Variants in TPD52L1 observed in about 807,000 individuals in gnomAD.
TPD52L1 encodes the protein TPD52 like 1.
A neutral mutation model predicts 28.7 loss-of-function variants in TPD52L1; 18 were observed. The ratio of observed to expected loss-of-function variants is 0.63; its 90% CI spans 0.43 to 0.93. The LOEUF is 0.93. Among genes scored for constraint, TPD52L1 ranks in the 40% least tolerant of loss-of-function variants. TPD52L1 has a pLI of 0.00. For missense variants in TPD52L1, 203 were observed against 254.8 expected (o/e 0.80, Z 1.39); for synonymous variants, 75 against 88.8 (o/e 0.84, Z 0.88).
intron 1 of TPD52L1, among the ~76,000 whole-genome samples, chr6:125,177,171 G>A (rs754377486): frequency 2.0e-5 from 3 of 152,192 alleles, no homozygotes; most frequent in Non-Finnish European, 4.4e-5. Context: ...CTCTTGATCA[G>A]ACTTGATGGC....
intron 1 of TPD52L1, among the ~76,000 whole-genome samples, chr6:125,184,802 G>A (rs575816542): frequency 1.3e-5 from 2 of 150,484 alleles, no homozygotes; most frequent in Non-Finnish European, 3.0e-5. Flanking sequence ...AGGAAAAGAG[G>A]AGAAACCAAC....
chr6:125,194,549 C>G (rs1001789252), intron 1 of TPD52L1, among the ~76,000 whole-genome samples: 1 of 152,182 alleles, frequency 6.6e-6, no homozygotes, highest in Non-Finnish European at 1.5e-5. Flanking sequence ...TCCCCTGGAA[C>G]CCTGACCCCA....
At chr6:125,169,290 C>T (rs1370041784) in intron 1 of TPD52L1, among the ~76,000 whole-genome samples, 1 of 152,196 alleles carries the variant, frequency 6.6e-6, no homozygotes, top group Non-Finnish European at 1.5e-5. Context: ...TGTTTGCCAT[C>T]TCATGACTCA....
intron 1 of TPD52L1, among the ~76,000 whole-genome samples, chr6:125,168,186 C>T (rs569991738): frequency 5.3e-5 from 8 of 152,096 alleles, no homozygotes; most frequent in Non-Finnish European, 7.4e-5. Flanking sequence ...ATTAAATATG[C>T]TTGTTTGCAA....
At chr6:125,221,251 G>A in intron 2 of TPD52L1, among the ~76,000 whole-genome samples, 1 of 152,222 alleles carries the variant, frequency 6.6e-6, no homozygotes, top group East Asian at 1.9e-4. Flanking sequence ...TAAGCACAGT[G>A]CCTCAAATCT....
chr6:125,200,735 C>T (rs1038518561), intron 1 of TPD52L1, among the ~76,000 whole-genome samples: 1 of 152,180 alleles, frequency 6.6e-6, no homozygotes, highest in African/African-American at 2.4e-5. Flanking sequence ...TTGATTTTTG[C>T]ATTCAACAAT....
chr6:125,159,233 G>A (rs1047083183), intron 1 of TPD52L1, among the ~76,000 whole-genome samples: 1 of 152,168 alleles, frequency 6.6e-6, no homozygotes, highest in African/African-American at 2.4e-5. Context: ...ATCCTCTCAA[G>A]CCCTGCCACT....
intron 1 of TPD52L1, among the ~76,000 whole-genome samples, chr6:125,206,506 A>G (rs934059820): frequency 6.6e-6 from 1 of 152,154 alleles, no homozygotes; most frequent in African/African-American, 2.4e-5. Flanking sequence ...AACAGAGGAA[A>G]AAGAGGTTTT....
rs565231370 is a variant in TPD52L1 at position 125,185,884 on chromosome 6, T to A, written c.19+31914T>A. 2.1e-5 allele frequency among the ~76,000 whole-genome samples: 3 copies of A among 142,764 alleles called. No individual in the cohort carries two copies. In the South Asian group the frequency reaches 6.6e-4, roughly 32 times the overall value. 93.7% of individuals were successfully genotyped at this position (142,764 alleles called of 152,430 possible). ...ATAGAGAATACCATGTATAACTTTT[T>A]GGAAATTTGATTTTTTTTTTTTTTT... On this transcript the variant is annotated intron_variant, in intron 1 of 6. Transcript: ENST00000534000.
At chr6:125,204,604 C>A (rs1200067964) in intron 1 of TPD52L1, among the ~76,000 whole-genome samples, 1 of 152,070 alleles carries the variant, frequency 6.6e-6, no homozygotes, top group Admixed American at 6.5e-5. Context: ...CTCAGCCTCC[C>A]TAGTAGCTGG....
chr6:125,220,677 A>G (rs957570043), intron 2 of TPD52L1, among the ~76,000 whole-genome samples: 1 of 152,212 alleles, frequency 6.6e-6, no homozygotes, highest in Non-Finnish European at 1.5e-5. Context: ...TGGCAGAAAA[A>G]TAAAGCTCTA....
intron 1 of TPD52L1, among the ~76,000 whole-genome samples, chr6:125,216,562 T>A (rs1334082301): frequency 1.4e-5 from 2 of 142,706 alleles, no homozygotes; most frequent in Non-Finnish European, 3.0e-5. Context: ...TATATATATA[T>A]ATATATATAT....
At chr6:125,163,916 C>CAAAAAAAAA (rs779811391) in intron 1 of TPD52L1, among the ~76,000 whole-genome samples, 2 of 73,252 alleles carry the variant, frequency 2.7e-5, no homozygotes, top group African/African-American at 4.9e-5. Context: ...CACTCTGTCT[C>CAAAAAAAAA]AAAAAAAAAA....
At chr6:125,196,954 A>G (rs1428973311) in intron 1 of TPD52L1, among the ~76,000 whole-genome samples, 1 of 152,358 alleles carries the variant, frequency 6.6e-6, no homozygotes, top group Non-Finnish European at 1.5e-5. Flanking sequence ...AAGAAAAACT[A>G]CTCAGAGACA....
chr6:125,159,620 T>C (rs1310983581), intron 1 of TPD52L1, among the ~76,000 whole-genome samples: 2 of 152,176 alleles, frequency 1.3e-5, no homozygotes. Context: ...GTGAATCCTT[T>C]CCAGAATGTT....
intron 5 of TPD52L1, among the ~76,000 whole-genome samples, chr6:125,254,233 A>G (rs886305274): frequency 6.6e-6 from 1 of 152,214 alleles, no homozygotes; most frequent in African/African-American, 2.4e-5. Context: ...TTAAGGTGAG[A>G]TGTTTGTTAA....
chr6:125,204,445 G>A (rs1237770198), intron 1 of TPD52L1, among the ~76,000 whole-genome samples: 1 of 152,074 alleles, frequency 6.6e-6, no homozygotes, highest in East Asian at 1.9e-4. Context: ...AACACTTTAA[G>A]AAGAAATGTG....
rs1199891048 is a variant in TPD52L1 at position 125,216,525 on chromosome 6, GTGTGTATATATATATATATATATATA to G, written c.20-3551_20-3526del. Among the ~76,000 whole-genome samples, 4 of 104,866 alleles carry G rather than the reference GTGTGTATATATATATATATATATATA, an allele frequency of 3.8e-5. 1 individual carries two copies. The highest frequency in any genetic ancestry group is 3.6e-5 in the Non-Finnish European group (2 of 55,248). 68.8% of individuals were successfully genotyped at this position (104,866 alleles called of 152,430 possible). A position where few individuals can be genotyped will look rare whatever the true frequency, so the allele number is the denominator to read the frequency against. The stretch of plus-strand genomic sequence containing the variant: ...GTTTGCAACAGTAAATTCAGTATGT[GTGTGTATATATATATATATATATATA>G]TATATATATATATATATATATGAAA... On this transcript the variant is annotated intron_variant, in intron 1 of 6. Coordinates refer to ENST00000534000, the MANE Select transcript of TPD52L1 (RefSeq NM_003287.4).
intron 1 of TPD52L1, among the ~76,000 whole-genome samples, chr6:125,156,343 G>A (rs1043530308): frequency 5.3e-5 from 8 of 151,714 alleles, no homozygotes; most frequent in African/African-American, 1.9e-4. Flanking sequence ...GCATGTGCCT[G>A]TAGGCCTAGC....
Sources: allele counts gnomAD v4.1 joint callset (sites outside exome capture counted in the v4.1 genomes callset), GRCh38; gene constraint gnomAD v4.1.1; transcripts MANE v1.5; gene names NCBI Gene and HGNC (gene_info 2026-07-23, HGNC 2026-07-21).